PCDHGB2: variants seen among roughly 807,000 people sequenced by gnomAD.
The protein encoded by PCDHGB2 is protocadherin gamma-B2.
In PCDHGB2, 55 loss-of-function variants were observed where a neutral mutation model predicts 59.3. That is an observed-to-expected ratio of 0.93 (90% CI 0.75 to 1.16). PCDHGB2 has a LOEUF of 1.16. Among genes scored for constraint, PCDHGB2 ranks in the 50% most tolerant of loss-of-function variants. PCDHGB2 has a pLI of 0.00. For missense variants in PCDHGB2, 1,228 were observed against 1,198.5 expected (o/e 1.02, Z -0.36); for synonymous variants, 516 against 512.0 (o/e 1.01, Z -0.11).
At chr5:141,488,978 C>T (rs1346335195) in intron 1 of PCDHGB2, 4 of 388,976 alleles carry the variant, frequency 1.0e-5, no homozygotes, top group African/African-American at 2.1e-5. Flanking sequence ...GCCAATCAGA[C>T]TCAGAGCTGA....
intron 1 of PCDHGB2, chr5:141,426,874 C>T: frequency 2.2e-6 from 1 of 456,654 alleles, no homozygotes; most frequent in Non-Finnish European, 4.4e-6. Context: ...CTGGAGAAGC[C>T]CCTGGGCCAG....
chr5:141,371,628 C>G (rs1247615659), intron 1 of PCDHGB2: 1 of 1,614,006 alleles, frequency 6.2e-7, no homozygotes, highest in Non-Finnish European at 8.5e-7. Flanking sequence ...AGCCCTGGAC[C>G]GGGAGCAGAT....
intron 1 of PCDHGB2, chr5:141,365,468 G>A: frequency 6.2e-7 from 1 of 1,613,972 alleles, no homozygotes; most frequent in Non-Finnish European, 8.5e-7. Flanking sequence ...TGGAGAAAAT[G>A]GTGAGATTGC....
intron 1 of PCDHGB2, among the ~76,000 whole-genome samples, chr5:141,458,298 A>G (rs2098942125): frequency 6.6e-6 from 1 of 152,178 alleles, no homozygotes; most frequent in African/African-American, 2.4e-5. Context: ...ATGCTGGTTT[A>G]GATAAAATGA....
At position 141,360,196 on chromosome 5, in the gene PCDHGB2, C is replaced by G. The variant is rs770642245; in HGVS notation, c.61C>G (p.Leu21Val). The change falls in exon 1 of 4, where the codon CTG becomes GTG. Residue 21 changes from leucine (L) to valine (V), a missense_variant. Physicochemically the swap from Leu to Val is conservative, Grantham distance 32. Coordinates refer to ENST00000522605, the MANE Select transcript of PCDHGB2 (RefSeq NM_018923.3). ...GTGGCTGCAGGTACTGTTGCCCTTC[C>G]TGTTGTCTTTGTTCCCCGGGGCTCT... Reference protein sequence around the residue: ...VRWLQVLLPFLLSLFPGALPV... With the variant: ...VRWLQVLLPFVLSLFPGALPV... 2.5e-6 allele frequency: 4 copies of G among 1,612,440 alleles called. No homozygotes were observed. The highest frequency in any genetic ancestry group is 3.4e-6 in the Non-Finnish European group (4 of 1,179,136).
chr5:141,429,204 A>ACACACACG, intron 1 of PCDHGB2: 1 of 150,162 alleles, frequency 6.7e-6, no homozygotes, highest in Non-Finnish European at 1.5e-5. Context: ...ACACACACAC[A>ACACACACG]CGTGTGAAAA....
In PCDHGB2 at chr5:141,375,718, C is replaced by A. The variant is rs888006407; in HGVS notation, c.2421+13162C>A. 9 of 1,614,152 alleles carry A rather than the reference C, an allele frequency of 5.6e-6. No homozygotes were observed. Among genetic ancestry groups the A allele is most frequent in the African/African-American group, 1.3e-5 (1 of 74,952 alleles). ...GCGGGGACCCGCCTCTTAGCAGCAA[C>A]GTGTCACTGAGCCTGTTTGTGCTGG... On this transcript the variant is annotated intron_variant, in intron 1 of 3. Transcript: ENST00000522605.
In PCDHGB2 at chr5:141,476,574, G is replaced by C. The variant is rs746783993; in HGVS notation, c.2422-18233G>C. The C allele has an allele frequency of 1.1e-5, 18 of 1,614,084 alleles. No homozygotes were observed. The Admixed American group carries it at 1.8e-4, about 16-fold the overall frequency. On this transcript the variant is annotated intron_variant, in intron 1 of 3. Coordinates refer to ENST00000522605, the MANE Select transcript of PCDHGB2 (RefSeq NM_018923.3). The surrounding 1 kb of genome is among the most constrained non-coding windows in gnomAD (Gnocchi z 7.6). ...AGCGAGGCCGTGGCTCCGGGGACGC[G>C]CTTTCCGCTCGAGAGCGCGCACGAT...
At chr5:141,466,709 T>C (rs2099127779) in intron 1 of PCDHGB2, among the ~76,000 whole-genome samples, 1 of 152,212 alleles carries the variant, frequency 6.6e-6, no homozygotes, top group Non-Finnish European at 1.5e-5. Flanking sequence ...TGATGTCTGT[T>C]CTTGTTTCCA....
chr5:141,496,146 G>T (rs749790409), intron 2 of PCDHGB2, among the ~76,000 whole-genome samples: 1 of 151,170 alleles, frequency 6.6e-6, no homozygotes, highest in South Asian at 2.1e-4. Flanking sequence ...GCCTTTGATC[G>T]CAGCTCTCCA....
chr5:141,375,317 C>A (rs758382127), intron 1 of PCDHGB2: 10 of 1,613,790 alleles, frequency 6.2e-6, no homozygotes, highest in South Asian at 2.2e-5. Flanking sequence ...AGCTCTAGAC[C>A]GGGAAGAGGT....
chr5:141,375,608 T>G (rs1771640619), intron 1 of PCDHGB2: 1 of 1,614,000 alleles, frequency 6.2e-7, no homozygotes, highest in South Asian at 1.1e-5. Context: ...GTCCATCAAC[T>G]CCGACACTGG....
intron 1 of PCDHGB2, chr5:141,417,493 G>A (rs1463793261): frequency 4.7e-6 from 1 of 214,978 alleles, no homozygotes; most frequent in East Asian, 1.1e-4. Context: ...GAATCACTGA[G>A]GAAAAAGATT....
Position 141,477,545 on chromosome 5 carries a change from C to T in PCDHGB2, c.2422-17262C>T. The T allele has an allele frequency of 6.2e-7, 1 of 1,614,194 alleles. No individual in the cohort carries two copies. Among genetic ancestry groups the T allele is most frequent in the South Asian group, 1.1e-5 (1 of 91,086 alleles). On this transcript the variant is annotated intron_variant, in intron 1 of 3. Coordinates refer to ENST00000522605, the MANE Select transcript of PCDHGB2 (RefSeq NM_018923.3). The surrounding 1 kb of genome is among the most constrained non-coding windows in gnomAD (Gnocchi z 4.9). ...AAACAACCTCCCCGGGGCTCCAATA[C>T]TAAACCTAAGTGTCTGGGACCCCGA...
chr5:141,436,856 G>A (rs942357563), intron 1 of PCDHGB2, among the ~76,000 whole-genome samples: 2 of 152,246 alleles, frequency 1.3e-5, no homozygotes, highest in Admixed American at 1.3e-4. Context: ...TGATTGAGAA[G>A]CCACAGTTTT....
chr5:141,408,299 A>C, intron 1 of PCDHGB2: 1 of 1,613,662 alleles, frequency 6.2e-7, no homozygotes, highest in Non-Finnish European at 8.5e-7. Context: ...GAGTGAGCCG[A>C]TCCGCTACTC....
intron 1 of PCDHGB2, chr5:141,441,364 C>T (rs533396852): frequency 6.6e-6 from 1 of 152,646 alleles, no homozygotes; most frequent in South Asian, 2.1e-4. Context: ...CAAATGGGGC[C>T]GTGGACCAGG....
chr5:141,441,882 C>A, intron 1 of PCDHGB2: 1 of 343,664 alleles, frequency 2.9e-6, no homozygotes, highest in South Asian at 2.6e-5. Context: ...GCTACCTGGT[C>A]ACCAAGGTGG....
At chr5:141,464,279 C>CA (rs373828487) in intron 1 of PCDHGB2, among the ~76,000 whole-genome samples, 31,576 of 137,520 alleles carry the variant, frequency 0.23, 3,494 homozygotes, top group African/African-American at 0.28. Context: ...AAAAAAAAAG[C>CA]AAAAAAAAAA....
Sources: gnomAD v4.1 joint callset for allele counts (sites outside exome capture counted in the v4.1 genomes callset) on GRCh38, gnomAD v4.1.1 for gene constraint, Gnocchi (gnomAD v3.1) non-coding constraint, MANE v1.5 for transcripts, NCBI Gene and HGNC (gene_info 2026-07-23, HGNC 2026-07-21) for gene names.